MPDZ: variants seen among roughly 807,000 people sequenced by gnomAD.
MPDZ encodes multiple PDZ domain protein.
MPDZ carries 234 observed loss-of-function variants against 239.1 expected under a neutral mutation model. That is an observed-to-expected ratio of 0.98 (90% CI 0.88 to 1.09). MPDZ has a LOEUF of 1.09. MPDZ is among the 50% of genes least tolerant of loss of function. MPDZ has a pLI of 0.00. For missense variants in MPDZ, 3,175 were observed against 2,510.0 expected (o/e 1.26, Z -5.66); for synonymous variants, 1,048 against 881.3 (o/e 1.19, Z -3.35).
intron 1 of MPDZ, among the ~76,000 whole-genome samples, chr9:13,251,078 G>A (rs1352371190): frequency 2.3e-5 from 3 of 129,236 alleles, no homozygotes; most frequent in Non-Finnish European, 3.1e-5. Flanking sequence ...GCGGTGAGCC[G>A]AGATCATGCC....
rs187405417 is a variant in MPDZ, at chr9:13,174,988, T to C, written c.3055+764A>G. ...CATAAGACGTCAGTGTAACGGGTAG[T>C]GGTTGCTTACTTCATAGAAGGAAAA... On this transcript the variant is annotated intron_variant, in intron 21 of 46. Transcript: ENST00000319217. Among the ~76,000 whole-genome samples the C allele has an allele frequency of 6.6e-5, 10 of 152,232 alleles. No homozygotes were observed. In the East Asian group the frequency reaches 1.9e-3, roughly 29 times the overall value.
chr9:13,122,771 C>A (rs1282957386), intron 36 of MPDZ, among the ~76,000 whole-genome samples: 1 of 152,122 alleles, frequency 6.6e-6, no homozygotes, highest in Non-Finnish European at 1.5e-5. Flanking sequence ...CCTGCCTCAG[C>A]CTCCTAAAGT....
At chr9:13,205,231 A>C (rs557255005) in intron 11 of MPDZ, 124 bp from the exon 12 acceptor site, 1 of 517,082 alleles carries the variant, frequency 1.9e-6, no homozygotes, top group Non-Finnish European at 3.2e-6. Context: ...TAAACTTCTC[A>C]ATAACTATAT....
chr9:13,176,704 G>A (rs1952542229), intron 19 of MPDZ, among the ~76,000 whole-genome samples: 1 of 152,062 alleles, frequency 6.6e-6, no homozygotes, highest in Non-Finnish European at 1.5e-5. Context: ...GAAATACTAT[G>A]TTCTATTTAC....
At chr9:13,236,197 A>ATATG (rs1554715983) in intron 3 of MPDZ, among the ~76,000 whole-genome samples, 20 of 76,968 alleles carry the variant, frequency 2.6e-4, no homozygotes, top group African/African-American at 9.7e-4. Flanking sequence ...TTCTGTATAT[A>ATATG]TGTGTGTGTG....
chr9:13,251,123 C>T (rs1265810617), intron 1 of MPDZ, among the ~76,000 whole-genome samples: 6 of 72,716 alleles, frequency 8.3e-5, no homozygotes, highest in African/African-American at 3.6e-4. Context: ...AACAAGACTC[C>T]ATCTCAAAAA....
In MPDZ at chr9:13,150,618, G is replaced by T; in HGVS notation, c.3523C>A (p.Arg1175=). 1.3e-6 allele frequency: 2 copies of T among 1,534,266 alleles called. No individual in the cohort carries two copies. The highest frequency in any genetic ancestry group is 1.8e-5 in the Admixed American group (1 of 54,444). The change falls in exon 25 of 47, where the codon CGG becomes AGG. Residue 1175 remains arginine (R), a synonymous_variant. Coordinates refer to ENST00000319217, the MANE Select transcript of MPDZ (RefSeq NM_001378778.1). Reference sequence around the variant, plus strand: ...CTCATCACTTCTCCATTGCTTAGCCGACTCCCCATCCCTCGTCCACCAACA... The same window carrying T: ...CTCATCACTTCTCCATTGCTTAGCCTACTCCCCATCCCTCGTCCACCAACA... ...SIVGGRGMGS[R]LSNGEVMRGI... is the part of the protein sequence containing the mutation.
chr9:13,112,759 G>T (rs1204881268), intron 42 of MPDZ, among the ~76,000 whole-genome samples: 1 of 152,176 alleles, frequency 6.6e-6, no homozygotes, highest in Admixed American at 6.5e-5. Context: ...GAGAGGCATG[G>T]TATTATTTTG....
intron 17 of MPDZ, among the ~76,000 whole-genome samples, chr9:13,187,426 C>T (rs1954269261): frequency 6.6e-6 from 1 of 152,084 alleles, no homozygotes; most frequent in Non-Finnish European, 1.5e-5. Context: ...AATGCATAAT[C>T]CAATCTTAAT....
chr9:13,218,981 T>C (rs1958711456), intron 8 of MPDZ, among the ~76,000 whole-genome samples: 1 of 151,992 alleles, frequency 6.6e-6, no homozygotes, highest in Admixed American at 6.6e-5. Flanking sequence ...AGAATAACTT[T>C]TGTTTAAAAA....
intron 1 of MPDZ, 66 bp downstream of exon 1, chr9:13,279,334 G>C (rs1185434499): frequency 7.7e-6 from 1 of 130,032 alleles, no homozygotes; most frequent in South Asian, 2.5e-4. Flanking sequence ...CACCTTCCCC[G>C]CCGGCGCGCG....
chr9:13,145,022 C>T (rs191365752), intron 26 of MPDZ, among the ~76,000 whole-genome samples: 2 of 152,136 alleles, frequency 1.3e-5, no homozygotes, highest in African/African-American at 4.8e-5. Context: ...AAACTAGCAA[C>T]AAATTTAAAG....
At chr9:13,150,053 AACTT>A (rs1948951482) in intron 25 of MPDZ, among the ~76,000 whole-genome samples, 1 of 152,110 alleles carries the variant, frequency 6.6e-6, no homozygotes, top group Non-Finnish European at 1.5e-5. Flanking sequence ...AAATCTCATT[AACTT>A]AATTATATCT....
rs1331375128 is a variant in MPDZ at position 13,175,871 on chromosome 9, G to A, written c.2936C>T (p.Ser979Phe). Residue 979 changes from serine to phenylalanine, a missense_variant, in exon 21 of 47, where the codon TCT (serine) becomes TTT (phenylalanine). Coordinates refer to ENST00000319217, the MANE Select transcript of MPDZ (RefSeq NM_001378778.1). The part of the protein sequence containing the change: ...SVLPDSAGKG[S>F]EYLLEQSSLA... The stretch of plus-strand genomic sequence containing the variant: ...GGAGCTCTGTTCAAGCAGGTACTCA[G>A]AGCCCTTTAAGAAAGAAAAAGAAGT... 1.3e-6 allele frequency: 2 copies of A among 1,590,042 alleles called. No homozygotes were observed. Among genetic ancestry groups the A allele is most frequent in the Non-Finnish European group, 1.7e-6 (2 of 1,168,940 alleles).
chr9:13,256,526 G>A (rs533565194), intron 1 of MPDZ, among the ~76,000 whole-genome samples: 1 of 152,244 alleles, frequency 6.6e-6, no homozygotes, highest in African/African-American at 2.4e-5. Context: ...ACACTTAGAG[G>A]CTATTGCAGG....
chr9:13,132,558 A>C (rs769663197), intron 32 of MPDZ, among the ~76,000 whole-genome samples: 26 of 152,242 alleles, frequency 1.7e-4, no homozygotes, highest in Non-Finnish European at 1.5e-5. Flanking sequence ...AGAGAAAATC[A>C]GTGACAGGTA....
chr9:13,201,115 G>A (rs1587740730), intron 12 of MPDZ, among the ~76,000 whole-genome samples: 1 of 151,822 alleles, frequency 6.6e-6, no homozygotes, highest in East Asian at 1.9e-4. Context: ...ATTTACAATT[G>A]TTATAACTGC....
Position 13,192,177 on chromosome 9 carries a change from G to A in MPDZ, c.1922C>T (p.Ser641Leu). Residue 641 changes from serine to leucine, a missense_variant, in exon 15 of 47, where the codon TCA becomes TTA. Physicochemically the swap from Ser to Leu is moderately radical, Grantham distance 145. Transcript: ENST00000319217. ...CRRTVPPTTQ[S>L]ELDSLDLCDI... ...ACATAAGTCCAGGCTATCCAATTCT[G>A]ATTGGGTGGTGGGTGGCACAGTTCG... The A allele has an allele frequency of 6.2e-7, 1 of 1,610,906 alleles. No homozygotes were observed. The highest frequency in any genetic ancestry group is 2.2e-5 in the East Asian group (1 of 44,670).
intron 21 of MPDZ, 92 bp from the exon 22 acceptor site, chr9:13,168,656 A>G: frequency 1.0e-6 from 1 of 999,318 alleles, no homozygotes; most frequent in South Asian, 1.9e-5. Context: ...TTTATAGATT[A>G]AAAAATACAA....
Sources: gnomAD v4.1 joint callset for allele counts (sites outside exome capture counted in the v4.1 genomes callset) on GRCh38, gnomAD v4.1.1 for gene constraint, MANE v1.5 for transcripts, NCBI Gene and HGNC (gene_info 2026-07-23, HGNC 2026-07-21) for gene names.